The following PCBP3 variants were observed in gnomAD, a reference collection of about 807,000 sequenced individuals.
The protein encoded by PCBP3 is poly(rC) binding protein 3.
In PCBP3, 25 loss-of-function variants were observed where a neutral mutation model predicts 52.7. The ratio of observed to expected loss-of-function variants is 0.47; its 90% confidence interval spans 0.35 to 0.66. PCBP3 has a LOEUF of 0.66. Among genes scored for constraint, PCBP3 ranks in the 30% least tolerant of loss-of-function variants. The pLI is 0.01. For synonymous variants in PCBP3, 162 were observed against 183.0 expected, an observed-to-expected ratio of 0.89 and a Z score of 0.93; for missense variants, 391 against 490.3, an observed-to-expected ratio of 0.80 and a Z score of 1.91.
At position 45,802,502 on chromosome 21, in the gene PCBP3, G is replaced by A. The variant is rs1166949428; in HGVS notation, c.-126+47050G>A. Among the ~76,000 whole-genome samples the A allele has an allele frequency of 2.6e-5, 4 of 152,232 alleles. No homozygotes were observed. Among genetic ancestry groups the A allele is most frequent in the Non-Finnish European group, 4.4e-5 (3 of 68,046 alleles). ...GAGTGTCAGGGCACGTGGCCCAGAG[G>A]GCTCTGCAGAGACGGCTCTGAGAGC... On this transcript the variant is annotated intron_variant, in intron 4 of 17. Transcript: ENST00000681687. The surrounding 1 kb of genome is among the most constrained non-coding windows in gnomAD (Gnocchi z 5.1).
At chr21:45,774,605 A>G (rs2090121080) in intron 4 of PCBP3, among the ~76,000 whole-genome samples, 1 of 152,112 alleles carries the variant, frequency 6.6e-6, no homozygotes, top group Admixed American at 6.5e-5. Flanking sequence ...TCTAATTCTT[A>G]GAGAGAACAC....
At chr21:45,719,351 G>A (rs78128780) in intron 2 of PCBP3, among the ~76,000 whole-genome samples, 1,764 of 152,186 alleles carry the variant, frequency 0.012, 50 homozygotes, top group African/African-American at 0.04. Flanking sequence ...GAAGACAACT[G>A]AGGAACTGAG....
chr21:45,901,630 A>C (rs1055244022), intron 9 of PCBP3: 5 of 167,478 alleles, frequency 3.0e-5, no homozygotes, highest in African/African-American at 1.2e-4. Flanking sequence ...GTGATAGTGG[A>C]TATGAGACAG....
intron 4 of PCBP3, among the ~76,000 whole-genome samples, chr21:45,813,691 G>A (rs1452253625): frequency 6.6e-6 from 1 of 152,220 alleles, no homozygotes; most frequent in African/African-American, 2.4e-5. Flanking sequence ...TGATCCACCT[G>A]CCTTGGCCTC....
chr21:45,925,620 GA>G (rs547217178), intron 13 of PCBP3, among the ~76,000 whole-genome samples: 1 of 150,466 alleles, frequency 6.6e-6, no homozygotes, highest in Admixed American at 6.6e-5. Flanking sequence ...TAAGAACCCA[GA>G]AAAAATGAAA....
chr21:45,645,848 C>T (rs1384439434), intron 1 of PCBP3, among the ~76,000 whole-genome samples: 1 of 152,142 alleles, frequency 6.6e-6, no homozygotes, highest in South Asian at 2.1e-4. Context: ...AGTTGTGTAT[C>T]CTCTCAGTGA....
intron 5 of PCBP3, among the ~76,000 whole-genome samples, chr21:45,876,468 G>A (rs959469899): frequency 6.6e-6 from 1 of 152,100 alleles, no homozygotes; most frequent in Non-Finnish European, 1.5e-5. Context: ...GTTCCCCACT[G>A]GCACCTTTGT....
At chr21:45,861,193 T>C (rs551410100) in intron 5 of PCBP3, among the ~76,000 whole-genome samples, 6 of 152,194 alleles carry the variant, frequency 3.9e-5, no homozygotes, top group Non-Finnish European at 8.8e-5. Flanking sequence ...TGCTGCCTGG[T>C]CAGCTTCCTT....
At chr21:45,776,204 T>A (rs765760216) in intron 4 of PCBP3, among the ~76,000 whole-genome samples, 13 of 152,186 alleles carry the variant, frequency 8.5e-5, no homozygotes, top group Admixed American at 3.3e-4. Context: ...TTTTTAAAAA[T>A]TTTTTGAGAC....
chr21:45,866,348 G>A (rs1419338642), intron 5 of PCBP3, among the ~76,000 whole-genome samples: 1 of 152,208 alleles, frequency 6.6e-6, no homozygotes, highest in Admixed American at 6.5e-5. Flanking sequence ...CAGGTGCACA[G>A]GCCAGGGTTC....
chr21:45,934,920 AG>A (rs1016157653), intron 15 of PCBP3, among the ~76,000 whole-genome samples: 12 of 152,232 alleles, frequency 7.9e-5, no homozygotes, highest in African/African-American at 2.4e-5. Flanking sequence ...CCCTTCAGCC[AG>A]GGGCCCACCA....
At chr21:45,815,748 GGTGA>G (rs1363059268) in intron 4 of PCBP3, among the ~76,000 whole-genome samples, 1 of 86,528 alleles carries the variant, frequency 1.2e-5, no homozygotes, top group African/African-American at 5.4e-5. Flanking sequence ...AGTGGTGAGT[GGTGA>G]GTGAGTGATG....
chr21:45,940,172 G>A lies in PCBP3; in HGVS notation c.1052G>A (p.Ser351Asn), dbSNP rs763138131. The change falls in exon 17 of 18, where the codon AGC (serine) becomes AAC (asparagine). Residue 351 changes from serine (S) to asparagine (N), a missense_variant. Transcript: ENST00000681687. Reference protein sequence around the residue: ...ITITGTPANISLAQYLINARL... With the variant: ...ITITGTPANINLAQYLINARL... ...ATCACGGGGACCCCGGCCAACATCA[G>A]CCTTGCCCAGTATCTCATCAACGCC... 2 of 1,613,964 alleles carry A rather than the reference G, an allele frequency of 1.2e-6. No homozygotes were observed. Among genetic ancestry groups the A allele is most frequent in the Non-Finnish European group, 1.7e-6 (2 of 1,179,908 alleles).
chr21:45,913,420 A>T (rs917092008), intron 11 of PCBP3, among the ~76,000 whole-genome samples: 1 of 152,194 alleles, frequency 6.6e-6, no homozygotes, highest in Admixed American at 6.5e-5. Flanking sequence ...ACAGGGCTCA[A>T]CTTTCTCCAG....
At chr21:45,842,527 C>G (rs2093719997) in intron 4 of PCBP3, among the ~76,000 whole-genome samples, 1 of 152,186 alleles carries the variant, frequency 6.6e-6, no homozygotes, top group Admixed American at 6.5e-5. Flanking sequence ...TCTAGCATCT[C>G]TGTTATCTCA....
intron 5 of PCBP3, among the ~76,000 whole-genome samples, chr21:45,854,162 C>G (rs1476521755): frequency 1.3e-5 from 2 of 152,124 alleles, no homozygotes; most frequent in Middle Eastern, 3.2e-3. Flanking sequence ...GCGGTTTGTT[C>G]CATGCAAGGG....
chr21:45,894,661 G>C (rs1287364031), intron 5 of PCBP3, among the ~76,000 whole-genome samples: 1 of 152,220 alleles, frequency 6.6e-6, no homozygotes, highest in African/African-American at 2.4e-5. Context: ...GCCTCTCTCT[G>C]TGCTTTTCCC....
chr21:45,898,655 A>G (rs113720549), intron 6 of PCBP3, among the ~76,000 whole-genome samples: 6,079 of 20,298 alleles, frequency 0.3, 1,014 homozygotes, highest in African/African-American at 0.38. Flanking sequence ...CCCTCTGCAC[A>G]CCGTCCTCAC....
intron 4 of PCBP3, among the ~76,000 whole-genome samples, chr21:45,847,796 ACC>A (rs2093847993): frequency 6.6e-6 from 1 of 152,192 alleles, no homozygotes; most frequent in African/African-American, 2.4e-5. Context: ...CTTCAGGGCC[ACC>A]GTTCTGGGTC....
Sources: gnomAD v4.1 joint callset for allele counts (sites outside exome capture counted in the v4.1 genomes callset) on GRCh38, gnomAD v4.1.1 for gene constraint, Gnocchi (gnomAD v3.1) non-coding constraint, MANE v1.5 for transcripts, NCBI Gene and HGNC (gene_info 2026-07-23, HGNC 2026-07-21) for gene names.